ZNF366: variants seen among roughly 807,000 people sequenced by gnomAD.
The protein encoded by ZNF366 is dendritic cell-specific transcript protein.
A neutral mutation model predicts 47.2 loss-of-function variants in ZNF366; 20 were observed. The ratio of observed to expected loss-of-function variants is 0.42; its 90% CI spans 0.30 to 0.62. ZNF366 has a LOEUF of 0.62. Among genes scored for constraint, ZNF366 ranks in the 20% least tolerant of loss-of-function variants. ZNF366 has a pLI of 0.16. For missense variants in ZNF366, 987 were observed against 976.3 expected, an observed-to-expected ratio of 1.01 and a Z score of -0.15; for synonymous variants, 421 against 395.1, an observed-to-expected ratio of 1.07 and a Z score of -0.78.
At chr5:72,446,883 G>A (rs1742971545) in intron 4 of ZNF366, among the ~76,000 whole-genome samples, 1 of 152,162 alleles carries the variant, frequency 6.6e-6, no homozygotes, top group Non-Finnish European at 1.5e-5. Context: ...GCAACTTTGG[G>A]CAAATTGATC....
intron 1 of ZNF366, among the ~76,000 whole-genome samples, chr5:72,479,656 CT>C (rs1743752641): frequency 6.6e-6 from 1 of 152,024 alleles, no homozygotes; most frequent in African/African-American, 2.4e-5. Context: ...TTTTTTAAAA[CT>C]TTTTTGGGGC....
Position 72,460,188 on chromosome 5 carries a change from T to C in ZNF366, c.1309A>G (p.Lys437Glu). Residue 437 changes from lysine to glutamate, a missense_variant, in exon 2 of 5, where the codon AAG (lysine) becomes GAG (glutamate). Transcript: ENST00000318442. ...ACCTTGTGGGTGAGGGAGTGCTGCT[T>C]GAGGTGGTGCGGCTGCACAAACTCC... ...GMEFVQPHHL[K>E]QHSLTHKGVK... 6.2e-7 allele frequency: 1 copy of C among 1,614,148 alleles called. No homozygotes were observed. The highest frequency in any genetic ancestry group is 1.1e-5 in the South Asian group (1 of 91,076).
chr5:72,469,362 AT>A (rs1442061388), intron 1 of ZNF366, among the ~76,000 whole-genome samples: 1 of 152,260 alleles, frequency 6.6e-6, no homozygotes, highest in Non-Finnish European at 1.5e-5. Flanking sequence ...ATGTTAAAAA[AT>A]ATAAAAGAAA....
At chr5:72,502,025 A>G (rs1744220013) in intron 1 of ZNF366, among the ~76,000 whole-genome samples, 1 of 152,206 alleles carries the variant, frequency 6.6e-6, no homozygotes, top group Admixed American at 6.5e-5. Flanking sequence ...TAGACTCCAG[A>G]AAAGTTTGAC....
At chr5:72,447,903 C>T (rs1198436963) in intron 3 of ZNF366, among the ~76,000 whole-genome samples, 1 of 152,282 alleles carries the variant, frequency 6.6e-6, no homozygotes, top group Non-Finnish European at 1.5e-5. Context: ...TGAGGACTTA[C>T]GTCACTTGGC....
At chr5:72,464,624 A>G (rs1453671467) in intron 1 of ZNF366, among the ~76,000 whole-genome samples, 1 of 152,188 alleles carries the variant, frequency 6.6e-6, no homozygotes, top group East Asian at 1.9e-4. Flanking sequence ...ATTTAGGTGC[A>G]TACATTTTAA....
chr5:72,489,643 T>C (rs929615424), intron 1 of ZNF366, among the ~76,000 whole-genome samples: 4 of 152,214 alleles, frequency 2.6e-5, no homozygotes, highest in South Asian at 2.1e-4. Flanking sequence ...CTTCAGAAAG[T>C]TGTTTTCAAT....
intron 1 of ZNF366, among the ~76,000 whole-genome samples, chr5:72,505,128 G>C (rs144687410): frequency 6.6e-6 from 1 of 152,280 alleles, no homozygotes; most frequent in East Asian, 1.9e-4. Context: ...AATACTGTGT[G>C]TCTCAAATTC....
intron 1 of ZNF366, among the ~76,000 whole-genome samples, chr5:72,498,163 C>CT (rs1020572611): frequency 1.3e-5 from 2 of 152,020 alleles, no homozygotes; most frequent in African/African-American, 4.8e-5. Context: ...GTTATGTTTT[C>CT]TTTAAGACTT....
At position 72,460,547 on chromosome 5, in the gene ZNF366, G is replaced by T; in HGVS notation, c.950C>A (p.Ala317Asp). 1 of 1,614,108 alleles carries T rather than the reference G, an allele frequency of 6.2e-7. No homozygotes were observed. ...RPHKCQVCHK[A>D]FTQTSHLKRH... ...CTTCAGGTGGCTGGTCTGGGTGAAG[G>T]CCTTGTGGCACACCTGGCACTTGTG... The change falls in exon 2 of 5, where the codon GCC becomes GAC. Residue 317 changes from alanine to aspartate, a missense_variant. Around this residue, in one of 3 missense-constraint regions of ZNF366, gnomAD observed 591 missense variants for 560.9 expected, o/e 1.05. Coordinates refer to ENST00000318442, the MANE Select transcript of ZNF366 (RefSeq NM_152625.3).
intron 1 of ZNF366, among the ~76,000 whole-genome samples, chr5:72,492,802 C>T (rs1045364122): frequency 1.3e-5 from 2 of 152,214 alleles, no homozygotes; most frequent in Admixed American, 1.3e-4. Flanking sequence ...AGCATCGCTT[C>T]TCTTCTCCCA....
chr5:72,499,751 A>G (rs1282478234), intron 1 of ZNF366, among the ~76,000 whole-genome samples: 1 of 152,176 alleles, frequency 6.6e-6, no homozygotes, highest in African/African-American at 2.4e-5. Context: ...GGTGGACACT[A>G]TGGAGGTAGG....
At chr5:72,447,471 C>T (rs1473249244) in intron 3 of ZNF366, 54 bp from the exon 4 acceptor site, 3 of 1,597,812 alleles carry the variant, frequency 1.9e-6, no homozygotes, top group South Asian at 1.1e-5. Context: ...GAAGCCCCAT[C>T]CAGGCCCCTG....
intron 1 of ZNF366, among the ~76,000 whole-genome samples, chr5:72,483,793 G>C (rs779311241): frequency 1.6e-4 from 25 of 152,116 alleles, no homozygotes; most frequent in Non-Finnish European, 3.5e-4. Flanking sequence ...TGGGCCTGGG[G>C]CTTCATCCCA....
At chr5:72,484,212 C>T (rs1333994923) in intron 1 of ZNF366, among the ~76,000 whole-genome samples, 6 of 152,086 alleles carry the variant, frequency 3.9e-5, no homozygotes, top group African/African-American at 1.4e-4. Flanking sequence ...TCGCCGGGCG[C>T]GGTGGCTCAC....
At chr5:72,479,434 AAG>A (rs1743742062) in intron 1 of ZNF366, among the ~76,000 whole-genome samples, 1 of 152,006 alleles carries the variant, frequency 6.6e-6, no homozygotes, top group Non-Finnish European at 1.5e-5. Context: ...AAATTAAAAA[AAG>A]AAAAATAAAA....
Position 72,444,100 on chromosome 5 carries a change from A to G in ZNF366, c.1891T>C (p.Tyr631His). 1 of 1,614,042 alleles carries G rather than the reference A, an allele frequency of 6.2e-7. No individual in the cohort carries two copies. The highest frequency in any genetic ancestry group is 8.5e-7 in the Non-Finnish European group (1 of 1,180,014). The change falls in exon 5 of 5, where the codon TAC (tyrosine) becomes CAC (histidine). Residue 631 changes from tyrosine (Y) to histidine (H), a missense_variant. Tyr to His is a moderately conservative substitution (Grantham distance 83, BLOSUM62 2). Around this residue, in one of 3 missense-constraint regions of ZNF366, gnomAD observed 285 missense variants for 234.8 expected, o/e 1.21. Transcript: ENST00000318442. ...EEDNCYEVEPYSPGLAPQSQQ... is the reference protein window; with the variant it reads ...EEDNCYEVEPHSPGLAPQSQQ... ...CTCTGGGGGGCCAGGCCAGGGCTGT[A>G]GGGCTCCACCTCGTAGCAGTTATCC...
Position 72,461,020 on chromosome 5 carries a change from G to A in ZNF366, c.477C>T (p.Ala159=), listed in dbSNP as rs1181594562. The stretch of plus-strand genomic sequence containing the variant: ...GAGTGGGCGTTGGCTGGGGCCACAC[G>A]GCGCTGGGCTTAATGGGTTCCTGCT... The part of the protein sequence containing the change: ...PVKQEPIKPS[A]VWPQPTPTPF... Residue 159 remains alanine, a synonymous_variant, in exon 2 of 5, where the codon GCC becomes GCT. Coordinates refer to ENST00000318442, the MANE Select transcript of ZNF366 (RefSeq NM_152625.3). 5 of 1,614,132 alleles carry A rather than the reference G, an allele frequency of 3.1e-6. No individual in the cohort carries two copies. Among genetic ancestry groups the A allele is most frequent in the Admixed American group, 3.3e-5 (2 of 60,022 alleles).
chr5:72,468,777 T>G (rs1043368946), intron 1 of ZNF366, among the ~76,000 whole-genome samples: 1 of 152,182 alleles, frequency 6.6e-6, no homozygotes, highest in African/African-American at 2.4e-5. Flanking sequence ...TTGGAACAGC[T>G]GCTAGTGTGT....
Sources: gnomAD v4.1 joint callset for allele counts (sites outside exome capture counted in the v4.1 genomes callset) on GRCh38, gnomAD v4.1.1 for gene constraint, gnomAD v4.1.1 regional missense constraint, MANE v1.5 for transcripts, NCBI Gene and HGNC (gene_info 2026-07-23, HGNC 2026-07-21) for gene names.